NEK11: variants seen among roughly 807,000 people sequenced by gnomAD.
NEK11 encodes NIMA related kinase 11.
In NEK11, 72 loss-of-function variants were observed where a neutral mutation model predicts 80.7. That is an observed-to-expected ratio of 0.89 (90% CI 0.74 to 1.08). The LOEUF (loss-of-function observed/expected upper bound fraction) is 1.08. NEK11 is among the 50% of genes least tolerant of loss of function. NEK11 has a pLI of 0.00. For synonymous variants in NEK11, 251 were observed against 260.7 expected (o/e 0.96, Z 0.36); for missense variants, 764 against 763.6 (o/e 1.00, Z -0.01).
chr3:131,157,670 T>G (rs2090906582), intron 10 of NEK11, among the ~76,000 whole-genome samples: 1 of 151,864 alleles, frequency 6.6e-6, no homozygotes, highest in Non-Finnish European at 1.5e-5. Flanking sequence ...AGGAAACAAC[T>G]GAGAGTGGTT....
chr3:131,201,341 G>A (rs569405510), intron 14 of NEK11, among the ~76,000 whole-genome samples: 13 of 151,938 alleles, frequency 8.6e-5, no homozygotes, highest in Non-Finnish European at 7.4e-5. Context: ...TCGGAATGTC[G>A]GTGATGCATT....
chr3:131,077,278 G>A (rs906804378), intron 3 of NEK11, among the ~76,000 whole-genome samples: 2 of 152,076 alleles, frequency 1.3e-5, no homozygotes, highest in African/African-American at 2.4e-5. Context: ...CCCTTGACTT[G>A]GTAAGTTTCC....
chr3:131,349,785 C>A lies in NEK11; in HGVS notation c.*9C>A, dbSNP rs2097427280. 3 of 1,598,968 alleles carry A rather than the reference C, an allele frequency of 1.9e-6. No individual in the cohort carries two copies. Among genetic ancestry groups the A allele is most frequent in the Non-Finnish European group, 2.6e-6 (3 of 1,168,970 alleles). ...TCCAGAACCATCTCTAGGCAACTAT[C>A]AAAAAGAAGCAGAAGTTCAAGTGGA... On this transcript the variant is annotated 3_prime_UTR_variant, in exon 18 of 18. Coordinates refer to ENST00000383366, the MANE Select transcript of NEK11 (RefSeq NM_024800.5).
intron 7 of NEK11, among the ~76,000 whole-genome samples, chr3:131,136,309 G>A (rs977551282): frequency 6.6e-6 from 1 of 152,130 alleles, no homozygotes; most frequent in Non-Finnish European, 1.5e-5. Flanking sequence ...GAAATAATAA[G>A]AGAGAACTAT....
At chr3:131,344,002 T>C (rs1366983556) in intron 17 of NEK11, among the ~76,000 whole-genome samples, 1 of 152,274 alleles carries the variant, frequency 6.6e-6, no homozygotes, top group Non-Finnish European at 1.5e-5. Context: ...CATAGCCTGC[T>C]TGAATTTCTC....
intron 15 of NEK11, among the ~76,000 whole-genome samples, chr3:131,230,839 A>G (rs971814055): frequency 6.6e-6 from 1 of 152,142 alleles, no homozygotes; most frequent in African/African-American, 2.4e-5. Flanking sequence ...CCCATGTGTT[A>G]TGGGAGGGAC....
intron 14 of NEK11, among the ~76,000 whole-genome samples, chr3:131,172,007 A>G (rs983933776): frequency 5.3e-5 from 8 of 152,212 alleles, no homozygotes; most frequent in Non-Finnish European, 8.8e-5. Context: ...CAGGGGAACC[A>G]TTAGACCACT....
rs1458262739 is a variant in NEK11, at chr3:131,152,649, T to C, written c.816T>C (p.Pro272=). Residue 272 remains proline (P), a synonymous_variant, in exon 9 of 18, where the codon CCT becomes CCC. Coordinates refer to ENST00000383366, the MANE Select transcript of NEK11 (RefSeq NM_024800.5). ...ATTACAGCATGTTGAACAAGAATCC[T>C]TCATTAAGACCATCTGCTATCGAAA... ...AIMESMLNKN[P]SLRPSAIEIL... 1.2e-6 allele frequency: 2 copies of C among 1,613,708 alleles called. No homozygotes were observed. Among genetic ancestry groups the C allele is most frequent in the Non-Finnish European group, 1.7e-6 (2 of 1,179,770 alleles).
chr3:131,068,170 C>T, intron 3 of NEK11, among the ~76,000 whole-genome samples: 1 of 152,194 alleles, frequency 6.6e-6, no homozygotes, highest in Non-Finnish European at 1.5e-5. Context: ...CTCTAGAGAA[C>T]ACTGGGGCTC....
At chr3:131,178,713 A>AT (rs1436797218) in intron 14 of NEK11, among the ~76,000 whole-genome samples, 2 of 152,208 alleles carry the variant, frequency 1.3e-5, no homozygotes, top group South Asian at 2.1e-4. Flanking sequence ...TAAAATAATG[A>AT]TAATAGTATA....
chr3:131,306,153 G>A (rs2096721366), intron 17 of NEK11, among the ~76,000 whole-genome samples: 1 of 152,060 alleles, frequency 6.6e-6, no homozygotes, highest in African/African-American at 2.4e-5. Flanking sequence ...TTATCCATTA[G>A]AGTTAGCATA....
At position 131,097,491 on chromosome 3, in the gene NEK11, A is replaced by G. The variant is rs1413671468; in HGVS notation, c.337-12312A>G. On this transcript the variant is annotated intron_variant, in intron 4 of 17. Coordinates refer to ENST00000383366, the MANE Select transcript of NEK11 (RefSeq NM_024800.5). The stretch of plus-strand genomic sequence containing the variant: ...TGCATTTCTCTAATGGCCAGTGATG[A>G]TGAGCATTTTTTCATGTGTCTTTTG... Among the ~76,000 whole-genome samples, 6 of 152,190 alleles carry G rather than the reference A, an allele frequency of 3.9e-5. No individual in the cohort carries two copies. The South Asian group carries it at 8.3e-4, about 21-fold the overall frequency.
intron 16 of NEK11, among the ~76,000 whole-genome samples, chr3:131,271,126 C>T (rs1261999496): frequency 4.6e-5 from 7 of 152,166 alleles, no homozygotes. Context: ...TGTCCAGTTG[C>T]AGTGAGGGCC....
chr3:131,193,736 G>T (rs1171393708), intron 14 of NEK11, among the ~76,000 whole-genome samples: 1 of 152,094 alleles, frequency 6.6e-6, no homozygotes, highest in Non-Finnish European at 1.5e-5. Flanking sequence ...AAGTAGGTAG[G>T]TGCAAGATCT....
At chr3:131,284,718 T>A (rs796860486) in intron 17 of NEK11, among the ~76,000 whole-genome samples, 17 of 152,212 alleles carry the variant, frequency 1.1e-4, no homozygotes, top group African/African-American at 3.9e-4. Context: ...ACTGGCTGAG[T>A]CTTCTGACCT....
chr3:131,162,160 C>T (rs149075597), intron 10 of NEK11, among the ~76,000 whole-genome samples: 38 of 152,132 alleles, frequency 2.5e-4, no homozygotes, highest in Middle Eastern at 3.4e-3. Flanking sequence ...TAGTCATTGG[C>T]GATGAAATGA....
At chr3:131,341,118 A>C (rs2097278082) in intron 17 of NEK11, among the ~76,000 whole-genome samples, 1 of 152,152 alleles carries the variant, frequency 6.6e-6, no homozygotes, top group Non-Finnish European at 1.5e-5. Context: ...TCTTAAATTG[A>C]ATTTCTATTT....
chr3:131,109,200 T>G (rs1560442259), intron 4 of NEK11, among the ~76,000 whole-genome samples: 2 of 152,096 alleles, frequency 1.3e-5, no homozygotes, highest in Non-Finnish European at 2.9e-5. Context: ...TTTTATGAAG[T>G]AACTACTGAT....
At chr3:131,115,692 G>C (rs1373794868) in intron 5 of NEK11, among the ~76,000 whole-genome samples, 1 of 152,144 alleles carries the variant, frequency 6.6e-6, no homozygotes, top group African/African-American at 2.4e-5. Flanking sequence ...AATTTCTTAA[G>C]ATAAAGGACA....
Sources: allele counts gnomAD v4.1 joint callset (sites outside exome capture counted in the v4.1 genomes callset), GRCh38; gene constraint gnomAD v4.1.1; transcripts MANE v1.5; gene names NCBI Gene and HGNC (gene_info 2026-07-23, HGNC 2026-07-21).